Variants in COL24A1 observed in about 807,000 individuals in gnomAD.
COL24A1 encodes collagen alpha-1(XXIV) chain.
Under a neutral mutation model 253.9 loss-of-function variants are expected in COL24A1, and 224 were observed. The ratio of observed to expected loss-of-function variants is 0.88; its 90% confidence interval spans 0.79 to 0.99. The LOEUF (loss-of-function observed/expected upper bound fraction) is 0.99, where lower values mean the gene tolerates loss of function less well. Ranked by LOEUF, COL24A1 falls within the 50% of genes least tolerant of loss-of-function variation. The pLI, the probability that COL24A1 is intolerant of heterozygous loss-of-function variation, is 0.00. For missense variants in COL24A1, 2,131 were observed against 2,068.5 expected (o/e 1.03, Z -0.59); for synonymous variants, 685 against 673.7 (o/e 1.02, Z -0.26).
chr1:86,005,905 T>C (rs1695906944), intron 19 of COL24A1, among the ~76,000 whole-genome samples: 1 of 152,148 alleles, frequency 6.6e-6, no homozygotes, highest in Admixed American at 6.6e-5. Context: ...GTTAACTGAC[T>C]TCTTGTATAC....
chr1:85,750,501 T>G (rs796292638), intron 55 of COL24A1, among the ~76,000 whole-genome samples: 29 of 68 alleles, frequency 0.43, 10 homozygotes, highest in African/African-American at 0.59. Context: ...CCAGCTAACA[T>G]CATAATGACA....
At position 85,933,372 on chromosome 1, in the gene COL24A1, T is replaced by A. The variant is rs113933126; in HGVS notation, c.2563-21939A>T. On this transcript the variant is annotated intron_variant, in intron 24 of 59. Coordinates refer to ENST00000370571, the MANE Select transcript of COL24A1 (RefSeq NM_152890.7). ...CTGTGTTTCACAGAATAATTTTTTT[T>A]AACACACTATTATTATGGCCTAATC... Among the ~76,000 whole-genome samples the A allele has an allele frequency of 2.4e-3, 356 of 150,360 alleles. 5 individuals carry two copies. The highest frequency in any genetic ancestry group is 8.2e-3 in the African/African-American group (340 of 41,268).
intron 5 of COL24A1, among the ~76,000 whole-genome samples, chr1:86,093,147 T>C (rs1281230825): frequency 6.6e-6 from 1 of 152,016 alleles, no homozygotes; most frequent in Non-Finnish European, 1.5e-5. Context: ...CTTTACATAT[T>C]CAGAGATGCT....
At position 86,084,406 on chromosome 1, in the gene COL24A1, C is replaced by A. The variant is rs868235725; in HGVS notation, c.1707+4768G>T. On this transcript the variant is annotated intron_variant, in intron 7 of 59. Transcript: ENST00000370571. Reference sequence around the variant, plus strand: ...AACCTCTCTATTCTGTCCACCTTCTCACTTAGAACATACTTCCCTCAGGCA... The same window carrying A: ...AACCTCTCTATTCTGTCCACCTTCTAACTTAGAACATACTTCCCTCAGGCA... Among the ~76,000 whole-genome samples, 17 of 152,314 alleles carry A rather than the reference C, an allele frequency of 1.1e-4. No individual in the cohort carries two copies. In the Middle Eastern group the frequency reaches 0.024, roughly 213 times the overall value.
chr1:86,046,317 T>C (rs1398972989), intron 12 of COL24A1, among the ~76,000 whole-genome samples: 1 of 152,196 alleles, frequency 6.6e-6, no homozygotes, highest in East Asian at 1.9e-4. Flanking sequence ...TACTGGATGA[T>C]GTCACAATTT....
At chr1:85,875,403 C>T (rs1681037758) in intron 33 of COL24A1, 73 bp from the exon 34 acceptor site, 1 of 1,204,874 alleles carries the variant, frequency 8.3e-7, no homozygotes, top group Non-Finnish European at 1.2e-6. Context: ...ACACTGAACT[C>T]AAGGGTGAGA....
chr1:86,017,411 C>G (rs914766912), intron 18 of COL24A1, among the ~76,000 whole-genome samples: 5 of 152,120 alleles, frequency 3.3e-5, no homozygotes, highest in South Asian at 2.1e-4. Flanking sequence ...TACATTCACT[C>G]AAGTGTTAAG....
chr1:85,860,469 C>T (rs1679013123), intron 37 of COL24A1, among the ~76,000 whole-genome samples: 1 of 152,184 alleles, frequency 6.6e-6, no homozygotes, highest in African/African-American at 2.4e-5. Flanking sequence ...GGGCCAGGCA[C>T]AGTGGCTCAC....
At chr1:85,759,294 T>C (rs952447626) in intron 55 of COL24A1, among the ~76,000 whole-genome samples, 1 of 152,160 alleles carries the variant, frequency 6.6e-6, no homozygotes, top group Admixed American at 6.5e-5. Flanking sequence ...TAAAAAGTAG[T>C]CTCTGTCTTC....
At chr1:85,772,509 T>C (rs1409788360) in intron 53 of COL24A1, among the ~76,000 whole-genome samples, 1 of 151,950 alleles carries the variant, frequency 6.6e-6, no homozygotes, top group African/African-American at 2.4e-5. Context: ...CATGCACACG[T>C]ATGTTTATTG....
chr1:85,863,429 A>T (rs980301004), intron 37 of COL24A1, among the ~76,000 whole-genome samples: 6 of 152,144 alleles, frequency 3.9e-5, no homozygotes, highest in African/African-American at 7.2e-5. Flanking sequence ...TCAATGTTAG[A>T]TCTAAAACCA....
At chr1:85,954,850 T>C (rs983989927) in intron 24 of COL24A1, among the ~76,000 whole-genome samples, 12 of 152,216 alleles carry the variant, frequency 7.9e-5, no homozygotes, top group African/African-American at 2.9e-4. Context: ...AGGCCCTAGC[T>C]AGGCATAGTT....
Position 85,842,239 on chromosome 1 carries a change from A to G in COL24A1, c.3516+101T>C, listed in dbSNP as rs1676692977. The G allele has an allele frequency of 1.5e-5, 20 of 1,334,006 alleles. No individual in the cohort carries two copies. In the South Asian group the frequency reaches 2.4e-4, roughly 16 times the overall value. The allele number at this position is 1,334,006 out of a possible 1,614,324, so 82.6% of individuals were successfully genotyped here. On this transcript the variant is annotated intron_variant, in intron 40 of 59. Coordinates refer to ENST00000370571, the MANE Select transcript of COL24A1 (RefSeq NM_152890.7). Reference sequence around the variant, plus strand: ...AGGATGAGACCTAAATATGTTAGAAAGGTTTATCAGAGAGATTTCATCTTA... The same window carrying G: ...AGGATGAGACCTAAATATGTTAGAAGGGTTTATCAGAGAGATTTCATCTTA...
Position 86,059,178 on chromosome 1 carries a change from A to G in COL24A1, c.1753-4T>C. The G allele has an allele frequency of 6.2e-7, 1 of 1,608,292 alleles. No individual in the cohort carries two copies. Among genetic ancestry groups the G allele is most frequent in the Non-Finnish European group, 8.5e-7 (1 of 1,176,198 alleles). ...TACCAGCAAATCCTGGAATTCCCTG[A>G]AATAATAAATAAAATGAACAGTATA... On this transcript the variant is annotated splice_region_variant and splice_polypyrimidine_tract_variant and intron_variant, in intron 8 of 59. Transcript: ENST00000370571.
intron 37 of COL24A1, among the ~76,000 whole-genome samples, chr1:85,853,790 G>C (rs1282953569): frequency 6.6e-6 from 1 of 152,130 alleles, no homozygotes; most frequent in African/African-American, 2.4e-5. Flanking sequence ...GTATGTTCAA[G>C]TCCTTTACCC....
At chr1:85,825,273 A>C (rs1570771387) in intron 43 of COL24A1, among the ~76,000 whole-genome samples, 1 of 152,106 alleles carries the variant, frequency 6.6e-6, no homozygotes, top group African/African-American at 2.4e-5. Flanking sequence ...TTATGGCTGC[A>C]TAGTATTCCA....
chr1:85,804,575 C>A (rs1017341892), intron 47 of COL24A1, among the ~76,000 whole-genome samples: 3 of 152,078 alleles, frequency 2.0e-5, no homozygotes, highest in African/African-American at 7.2e-5. Context: ...TGGTGGAAGG[C>A]AAGGAGGAGC....
chr1:86,057,379 G>A (rs72716141), intron 10 of COL24A1, among the ~76,000 whole-genome samples: 18,749 of 152,142 alleles, frequency 0.12, 1,321 homozygotes, highest in Middle Eastern at 0.24. Flanking sequence ...CCCAGCCTCA[G>A]GTATTTATAG....
Position 86,125,673 on chromosome 1 carries a change from C to A in COL24A1, c.663G>T (p.Gln221His), listed in dbSNP as rs1648160262. 6.2e-7 allele frequency: 1 copy of A among 1,610,920 alleles called. No homozygotes were observed. ...NSIHFEGIVC[Q>H]LDIIPSAEAS... ...CTTCTGCAGAAGGAATAATATCTAACTGACATACTATTCCTTCAAAATGGA... is the reference window on the plus strand; with the variant it reads ...CTTCTGCAGAAGGAATAATATCTAAATGACATACTATTCCTTCAAAATGGA... The change falls in exon 3 of 60, where the codon CAG becomes CAT. Residue 221 changes from glutamine to histidine, a missense_variant. Gln to His is a conservative substitution (Grantham distance 24). Coordinates refer to ENST00000370571, the MANE Select transcript of COL24A1 (RefSeq NM_152890.7).
Sources: gnomAD v4.1 joint callset for allele counts (sites outside exome capture counted in the v4.1 genomes callset) on GRCh38, gnomAD v4.1.1 for gene constraint, MANE v1.5 for transcripts, NCBI Gene and HGNC (gene_info 2026-07-23, HGNC 2026-07-21) for gene names.